BPI: variants seen among roughly 807,000 people sequenced by gnomAD.
BPI encodes the protein bactericidal permeability increasing protein.
Under a neutral mutation model 57.6 loss-of-function variants are expected in BPI, and 48 were observed. That is an observed-to-expected ratio of 0.83 (90% CI 0.66 to 1.06). The LOEUF is 1.06. Among genes scored for constraint, BPI ranks in the 50% least tolerant of loss-of-function variants. The pLI is 0.00. For synonymous variants in BPI, 237 were observed against 238.2 expected (o/e 0.99, Z 0.05); for missense variants, 651 against 609.7 (o/e 1.07, Z -0.71).
Position 38,304,212 on chromosome 20 carries a change from A to G in BPI, c.-12A>G, listed in dbSNP as rs756954814. The G allele has an allele frequency of 1.9e-6, 3 of 1,613,964 alleles. No individual in the cohort carries two copies. Among genetic ancestry groups the G allele is most frequent in the Admixed American group, 1.7e-5 (1 of 60,010 alleles). ...CTTGAGGTTTTGGCAGCTCTGGAGG[A>G]TGAGAGAGAACATGGCCAGGGGCCC... On this transcript the variant is annotated 5_prime_UTR_variant, in exon 1 of 15. It removes an upstream start codon present in the reference 5' UTR. Coordinates refer to ENST00000642449, the MANE Select transcript of BPI (RefSeq NM_001725.3).
chr20:38,308,611 C>T (rs537169523), intron 2 of BPI, among the ~76,000 whole-genome samples: 2 of 152,328 alleles, frequency 1.3e-5, no homozygotes, highest in South Asian at 4.1e-4. Flanking sequence ...TTGATTGCCA[C>T]ACACCCTGCA....
chr20:38,305,051 C>A (rs1326944194), intron 1 of BPI, among the ~76,000 whole-genome samples: 1 of 152,236 alleles, frequency 6.6e-6, no homozygotes. Flanking sequence ...TTGCTCGATG[C>A]TGCCTCCCGA....
At chr20:38,317,980 C>G (rs1262212579) in intron 5 of BPI, 1 of 985,226 alleles carries the variant, frequency 1.0e-6, no homozygotes, top group Non-Finnish European at 1.2e-6. Flanking sequence ...TAAGCAGAAA[C>G]ACTGCCCATG....
intron 12 of BPI, among the ~76,000 whole-genome samples, chr20:38,332,332 G>A (rs2076746982): frequency 6.6e-6 from 1 of 152,144 alleles, no homozygotes; most frequent in South Asian, 2.1e-4. Flanking sequence ...CATTGAGGAG[G>A]CTGGTGTGTT....
intron 9 of BPI, 47 bp downstream of exon 9, chr20:38,324,880 AG>A (rs2076704547): frequency 6.7e-7 from 1 of 1,492,330 alleles, no homozygotes; most frequent in East Asian, 2.3e-5. Flanking sequence ...GGGTTCTGGG[AG>A]GACAGGGCTT....
In BPI at chr20:38,306,274, A is replaced by G. The variant is rs146566728; in HGVS notation, c.131-1293A>G. The stretch of plus-strand genomic sequence containing the variant: ...ACTCTTGAACTCTTGACCTAAAGTG[A>G]TCCACTTGCCTTGGCTTTCCAAAGT... On this transcript the variant is annotated intron_variant, in intron 1 of 14. Coordinates refer to ENST00000642449, the MANE Select transcript of BPI (RefSeq NM_001725.3). Among the ~76,000 whole-genome samples, 1,452 of 152,330 alleles carry G rather than the reference A, an allele frequency of 9.5e-3. 17 individuals carry two copies. Among genetic ancestry groups the G allele is most frequent in the African/African-American group, 0.032 (1,331 of 41,568 alleles).
At position 38,335,658 on chromosome 20, in the gene BPI, T is replaced by G; in HGVS notation, c.1397T>G (p.Val466Gly). 6 of 1,614,144 alleles carry G rather than the reference T, an allele frequency of 3.7e-6. No homozygotes were observed. Among genetic ancestry groups the G allele is most frequent in the Non-Finnish European group, 5.1e-6 (6 of 1,179,976 alleles). The part of the protein sequence containing the change: ...TPARVQLYNV[V>G]LQPHQNFLLF... ...GCCAGAGTCCAGCTCTACAACGTAG[T>G]GCTTCAGCCTCACCAGGTGAGTCCC... The change falls in exon 14 of 15, where the codon GTG (valine) becomes GGG (glycine). Residue 466 changes from valine (V) to glycine (G), a missense_variant. Physicochemically the swap from Val to Gly is moderately radical, Grantham distance 109 (BLOSUM62 -3). Transcript: ENST00000642449.
chr20:38,335,349 C>A, intron 13 of BPI: 1 of 565,336 alleles, frequency 1.8e-6, no homozygotes. Flanking sequence ...GTGCTGCACC[C>A]TCAGGAGGGC....
Position 38,310,664 on chromosome 20 carries a change from C to T in BPI, c.536+12C>T, listed in dbSNP as rs781611914. The T allele has an allele frequency of 4.9e-5, 78 of 1,601,614 alleles. No individual in the cohort carries two copies. The highest frequency in any genetic ancestry group is 1.7e-4 in the Middle Eastern group (1 of 6,042). On this transcript the variant is annotated intron_variant, in intron 4 of 14. Coordinates refer to ENST00000642449, the MANE Select transcript of BPI (RefSeq NM_001725.3). ...AAGAGCAAAGTGGGGTATGGACTCC[C>T]GGGACTGTGGCTGGGAGGAGGGACT... is the stretch of plus-strand genomic sequence containing the variant.
rs1012040674 is a variant in BPI, at chr20:38,316,166, C to A, written c.601-2247C>A. 5.9e-5 allele frequency among the ~76,000 whole-genome samples: 9 copies of A among 152,112 alleles called. No homozygotes were observed. In the East Asian group the frequency reaches 1.7e-3, roughly 29 times the overall value. ...TCTTTTCTCCCTTTCTTCCTTCCAT[C>A]CCTTTCTCCTTTTCTCCCTTTCTTC... is the stretch of plus-strand genomic sequence containing the variant. On this transcript the variant is annotated intron_variant, in intron 5 of 14. Coordinates refer to ENST00000642449, the MANE Select transcript of BPI (RefSeq NM_001725.3).
At chr20:38,328,291 G>T (rs528607830) in intron 11 of BPI, among the ~76,000 whole-genome samples, 1 of 152,150 alleles carries the variant, frequency 6.6e-6, no homozygotes, top group Non-Finnish European at 1.5e-5. Flanking sequence ...GGTGGCTCAC[G>T]CCTGTAATCC....
In BPI at chr20:38,318,495, T is replaced by C; in HGVS notation, c.664+19T>C. 6.2e-7 allele frequency: 1 copy of C among 1,608,418 alleles called. No individual in the cohort carries two copies. The highest frequency in any genetic ancestry group is 1.1e-5 in the South Asian group (1 of 90,948). ...CTGCCAGGTGAGGGCTGGATGAAGA[T>C]CAAGGATAGAAAGGAACAGAAATGG... On this transcript the variant is annotated intron_variant, in intron 6 of 14. Transcript: ENST00000642449.
At chr20:38,334,189 A>G (rs893723759) in intron 12 of BPI, among the ~76,000 whole-genome samples, 3 of 152,228 alleles carry the variant, frequency 2.0e-5, no homozygotes, top group Non-Finnish European at 4.4e-5. Flanking sequence ...GCACCTTACA[A>G]TTGAGAACAT....
intron 1 of BPI, among the ~76,000 whole-genome samples, chr20:38,306,825 C>T (rs1274152611): frequency 6.6e-6 from 1 of 152,130 alleles, no homozygotes; most frequent in Non-Finnish European, 1.5e-5. Context: ...CAGCAAACTA[C>T]AGCCCTCCGT....
rs1458639509 is a variant in BPI at position 38,320,287 on chromosome 20, C to G, written c.756+13C>G. On this transcript the variant is annotated intron_variant, in intron 7 of 14. Transcript: ENST00000642449. ...TGTACAGATGAAGGTGAGGCTGACA[C>G]TGAGAATCATACACCCTCACACCTC... The G allele has an allele frequency of 6.2e-7, 1 of 1,611,708 alleles. No homozygotes were observed. The highest frequency in any genetic ancestry group is 8.5e-7 in the Non-Finnish European group (1 of 1,178,246).
At chr20:38,310,087 G>A (rs1485384999) in intron 3 of BPI, among the ~76,000 whole-genome samples, 1 of 152,144 alleles carries the variant, frequency 6.6e-6, no homozygotes, top group African/African-American at 2.4e-5. Context: ...TGAATTAATG[G>A]GGGCATTAAT....
In BPI at chr20:38,324,004, C is replaced by T. The variant is rs1472047608; in HGVS notation, c.891C>T (p.Tyr297=). The T allele has an allele frequency of 3.7e-6, 6 of 1,614,128 alleles. No individual in the cohort carries two copies. In the East Asian group the frequency reaches 8.9e-5, roughly 24 times the overall value. The change falls in exon 8 of 15, where the codon TAC becomes TAT. Residue 297 remains tyrosine, a synonymous_variant. Coordinates refer to ENST00000642449, the MANE Select transcript of BPI (RefSeq NM_001725.3). ...TCTTCAACACAGCCGGGCTTGTATA[C>T]CAAGAGGCTGGGGTCTTGAAGATGA... ...DYFFNTAGLV[Y]QEAGVLKMTL... is the part of the protein sequence containing the mutation.
At chr20:38,320,116 C>A in intron 6 of BPI, 67 bp from the exon 7 acceptor site, 1 of 1,304,118 alleles carries the variant, frequency 7.7e-7, no homozygotes, top group Non-Finnish European at 1.1e-6. Context: ...GGATTCTGAT[C>A]CTGCATTTCA....
In BPI at chr20:38,310,534, A is replaced by G. The variant is rs144469725; in HGVS notation, c.418A>G (p.Ile140Val). Residue 140 changes from isoleucine to valine, a missense_variant, in exon 4 of 15, where the codon ATT becomes GTT. Transcript: ENST00000642449. ...NFDLSIEGMS[I>V]SADLKLGSNP... ...TGACCTGAGCATAGAAGGCATGTCC[A>G]TTTCGGCTGATCTGAAGCTGGGCAG... 116 of 1,614,138 alleles carry G rather than the reference A, an allele frequency of 7.2e-5. 2 individuals are homozygous for G. In the East Asian group the frequency reaches 1.5e-3, roughly 21 times the overall value.
Sources: allele counts gnomAD v4.1 joint callset (sites outside exome capture counted in the v4.1 genomes callset), GRCh38; gene constraint gnomAD v4.1.1; transcripts MANE v1.5; gene names NCBI Gene and HGNC (gene_info 2026-07-23, HGNC 2026-07-21).